The following SPTA1 variants were observed in gnomAD, a reference collection of about 807,000 sequenced individuals.
SPTA1 encodes the protein spectrin alpha chain, erythrocytic 1.
In SPTA1, 177 loss-of-function variants were observed where a neutral mutation model predicts 324.7. That is an observed-to-expected ratio of 0.55 (90% CI 0.48 to 0.62). SPTA1 has a LOEUF of 0.62. Among genes scored for constraint, SPTA1 ranks in the 20% least tolerant of loss-of-function variants. SPTA1 has a pLI of 0.00. For synonymous variants in SPTA1, 1,195 were observed against 1,041.3 expected, an observed-to-expected ratio of 1.15 and a Z score of -2.84; for missense variants, 3,162 against 2,883.6, an observed-to-expected ratio of 1.10 and a Z score of -2.21.
chr1:158,614,324 A>AC lies in SPTA1; in HGVS notation c.6789-19_6789-18insG. 1 of 1,571,886 alleles carries AC rather than the reference A, an allele frequency of 6.4e-7. No homozygotes were observed. Among genetic ancestry groups the AC allele is most frequent in the Non-Finnish European group, 8.7e-7 (1 of 1,146,050 alleles). ...TGATGTCCCTGAAAGAAAAAAAAAA[A>AC]ACATGAATTTTCCCTGTATATGAAA... On this transcript the variant is annotated intron_variant, in intron 48 of 51. Transcript: ENST00000643759.
Position 158,617,520 on chromosome 1 carries a change from G to A in SPTA1, c.6600+17C>T. On this transcript the variant is annotated intron_variant, in intron 47 of 51. Transcript: ENST00000643759. ...AATTTTGGCAATATCTTCAGTTAAT[G>A]AAAAAACAATACTTACTTTATTTGC... The A allele has an allele frequency of 6.2e-7, 1 of 1,610,298 alleles. No individual in the cohort carries two copies. The highest frequency in any genetic ancestry group is 8.5e-7 in the Non-Finnish European group (1 of 1,176,920).
In SPTA1 at chr1:158,634,803, G is replaced by A. The variant is rs1571408501; in HGVS notation, c.5433-128C>T. The stretch of plus-strand genomic sequence containing the variant: ...CACAAGGCAGCCACAGTTGAAGTGG[G>A]CCTCAACACAGTATAATAGGTGCCT... On this transcript the variant is annotated intron_variant, in intron 38 of 51. Coordinates refer to ENST00000643759, the MANE Select transcript of SPTA1 (RefSeq NM_003126.4). 2.8e-6 allele frequency: 3 copies of A among 1,067,214 alleles called. No individual in the cohort carries two copies. In the East Asian group the frequency reaches 7.6e-5, roughly 27 times the overall value. 66.1% of individuals were successfully genotyped at this position (1,067,214 alleles called of 1,614,324 possible).
chr1:158,611,131 GCACACACA>G lies in SPTA1; in HGVS notation c.*125_*132del, dbSNP rs55832242. 7.2e-4 allele frequency: 484 copies of G among 671,102 alleles called. 1 individual carries two copies. The highest frequency in any genetic ancestry group is 3.3e-3 in the African/African-American group (178 of 53,490). 41.6% of individuals were successfully genotyped at this position (671,102 alleles called of 1,614,324 possible). ...AAATGTAATATGCACACAAACACAA[GCACACACA>G]CACACACACACACACACACACACAC... On this transcript the variant is annotated 3_prime_UTR_variant, in exon 52 of 52. Transcript: ENST00000643759.
At chr1:158,683,264 G>A (rs904396965) in intron 3 of SPTA1, 107 bp downstream of exon 3, 2 of 1,522,916 alleles carry the variant, frequency 1.3e-6, no homozygotes, top group Admixed American at 3.4e-5. Context: ...AGAGGCAGGA[G>A]TCCTGGGTAT....
At chr1:158,639,243 C>T in intron 35 of SPTA1, 1 of 292,132 alleles carries the variant, frequency 3.4e-6, no homozygotes, top group African/African-American at 2.2e-5. Flanking sequence ...GTTTGTAATT[C>T]TATAAAGTAA....
At chr1:158,663,098 G>T (rs971886671) in intron 16 of SPTA1, among the ~76,000 whole-genome samples, 153 bp from the exon 17 acceptor site, 1 of 152,084 alleles carries the variant, frequency 6.6e-6, no homozygotes, top group Non-Finnish European at 1.5e-5. Context: ...GAGTTGGAAG[G>T]GTTGCTACAC....
chr1:158,686,057 G>A (rs923309770), intron 1 of SPTA1, among the ~76,000 whole-genome samples: 2 of 152,130 alleles, frequency 1.3e-5, no homozygotes, highest in Admixed American at 6.6e-5. Flanking sequence ...TCACCATAGG[G>A]TTCACCTTCA....
chr1:158,683,530 A>C (rs761838928), intron 2 of SPTA1, 34 bp from the exon 3 acceptor site: 2 of 1,611,610 alleles, frequency 1.2e-6, no homozygotes, highest in South Asian at 2.2e-5. Context: ...TTGTCTAATG[A>C]AGCACAGTCT....
intron 51 of SPTA1, 94 bp from the exon 52 acceptor site, chr1:158,611,483 GGA>G (rs1381805665): frequency 6.8e-7 from 1 of 1,480,366 alleles, no homozygotes; most frequent in East Asian, 2.3e-5. Context: ...TGCAGGAGAT[GGA>G]GAGTCTCTGG....
chr1:158,620,063 T>C (rs1649807082), intron 44 of SPTA1, 107 bp downstream of exon 44: 3 of 1,370,928 alleles, frequency 2.2e-6, no homozygotes, highest in South Asian at 1.2e-5. Context: ...TCTGTCCCAG[T>C]ATAGTTATTA....
chr1:158,648,783 A>C (rs1652196572), intron 25 of SPTA1, 130 bp from the exon 26 acceptor site: 7 of 881,350 alleles, frequency 7.9e-6, no homozygotes, highest in South Asian at 1.5e-5. Context: ...CCAACCAATT[A>C]TCATCATTGT....
chr1:158,648,563 A>G lies in SPTA1; in HGVS notation c.3660T>C (p.Ala1220=), dbSNP rs886045385. Residue 1220 remains alanine, a synonymous_variant, in exon 26 of 52, where the codon GCT becomes GCC. Transcript: ENST00000643759. ...DPGSDLFSVQ[A]LQRRHEGFER... ...CAAAGCCCTCATGCCGTCGCTGAAGAGCCTGAACACTGAACAGATCTGAGC... is the reference window on the plus strand; with the variant it reads ...CAAAGCCCTCATGCCGTCGCTGAAGGGCCTGAACACTGAACAGATCTGAGC... The G allele has an allele frequency of 6.2e-7, 1 of 1,614,036 alleles. No individual in the cohort carries two copies. The highest frequency in any genetic ancestry group is 8.5e-7 in the Non-Finnish European group (1 of 1,179,976).
intron 29 of SPTA1, 80 bp downstream of exon 29, chr1:158,645,108 G>A (rs1396235769): frequency 1.2e-5 from 18 of 1,465,898 alleles, no homozygotes; most frequent in South Asian, 8.0e-5. Context: ...TCTAGTGAAC[G>A]GAGCCTGTAA....
At position 158,645,203 on chromosome 1, in the gene SPTA1, C is replaced by G. The variant is rs1433969435; in HGVS notation, c.4179G>C (p.Gln1393His). 2 of 1,613,868 alleles carry G rather than the reference C, an allele frequency of 1.2e-6. No homozygotes were observed. Among genetic ancestry groups the G allele is most frequent in the Non-Finnish European group, 1.7e-6 (2 of 1,179,800 alleles). ...TTTGCTGTACCTGCAACTCCAGGCA[C>G]TGGTCTAGGATCTTCTTGCGTTTTT... is the stretch of plus-strand genomic sequence containing the variant. The part of the protein sequence containing the change: ...AWEKRKKILD[Q>H]CLELQMFQGN... The change falls in exon 29 of 52, where the codon CAG becomes CAC. Residue 1393 changes from glutamine to histidine, a missense_variant. By Grantham distance (24) the Gln-to-His change is conservative (BLOSUM62 0). Transcript: ENST00000643759.
chr1:158,640,458 T>C lies in SPTA1; in HGVS notation c.4738-451A>G, dbSNP rs550638293. On this transcript the variant is annotated intron_variant, in intron 33 of 51. Coordinates refer to ENST00000643759, the MANE Select transcript of SPTA1 (RefSeq NM_003126.4). Reference sequence around the variant, plus strand: ...AGAACATATTTTATATTTCTACTCATGGAACATTAAAGTCTCAGGATACAA... The same window carrying C: ...AGAACATATTTTATATTTCTACTCACGGAACATTAAAGTCTCAGGATACAA... Among the ~76,000 whole-genome samples, 11 of 152,270 alleles carry C rather than the reference T, an allele frequency of 7.2e-5. No individual in the cohort carries two copies. In the East Asian group the frequency reaches 1.9e-3, roughly 27 times the overall value.
chr1:158,651,516 T>A (rs757237314), intron 23 of SPTA1, 48 bp from the exon 24 acceptor site: 1 of 1,267,250 alleles, frequency 7.9e-7, no homozygotes, highest in Non-Finnish European at 1.2e-6. Context: ...TCCAAAGCAG[T>A]GTAAATCCCC....
intron 30 of SPTA1, among the ~76,000 whole-genome samples, 172 bp from the exon 31 acceptor site, chr1:158,643,597 A>G (rs1023251958): frequency 6.6e-6 from 1 of 152,170 alleles, no homozygotes; most frequent in African/African-American, 2.4e-5. Context: ...ATAGGAGGAG[A>G]AACATCTAAT....
At chr1:158,674,706 G>A (rs1179515144) in intron 8 of SPTA1, 31 bp from the exon 9 acceptor site, 5 of 1,611,712 alleles carry the variant, frequency 3.1e-6, no homozygotes, top group Non-Finnish European at 3.4e-6. Flanking sequence ...AAGACAGGAA[G>A]GAGAAACCAG....
chr1:158,672,004 C>T (rs1654056712), intron 11 of SPTA1, 55 bp downstream of exon 11: 3 of 1,608,872 alleles, frequency 1.9e-6, no homozygotes, highest in African/African-American at 2.7e-5. Context: ...GTCATGGTGG[C>T]AAATGAAGGG....
Sources: allele counts gnomAD v4.1 joint callset (sites outside exome capture counted in the v4.1 genomes callset), GRCh38; gene constraint gnomAD v4.1.1; transcripts MANE v1.5; gene names NCBI Gene and HGNC (gene_info 2026-07-23, HGNC 2026-07-21).